Variants in LPIN2 observed in about 807,000 individuals in gnomAD.
LPIN2 encodes the protein lipin 2.
A neutral mutation model predicts 111.4 loss-of-function variants in LPIN2; 55 were observed. The ratio of observed to expected loss-of-function variants is 0.49; its 90% CI spans 0.40 to 0.62. The LOEUF (loss-of-function observed/expected upper bound fraction) is 0.62, where lower values mean the gene tolerates loss of function less well. LPIN2 is among the 20% of genes least tolerant of loss of function. The pLI is 0.00. For synonymous variants in LPIN2, 425 were observed against 414.0 expected (o/e 1.03, Z -0.32); for missense variants, 992 against 1,112.1 (o/e 0.89, Z 1.54).
chr18:2,950,548 A>G (rs1309146640), intron 4 of LPIN2: 1 of 162,130 alleles, frequency 6.2e-6, no homozygotes, highest in Non-Finnish European at 1.4e-5. Context: ...TTCAACCCCA[A>G]GCGGTGCTGA....
At chr18:2,964,083 ACCAGCCTGG>A (rs1425661718) in intron 1 of LPIN2, among the ~76,000 whole-genome samples, 2 of 151,672 alleles carry the variant, frequency 1.3e-5, no homozygotes, top group East Asian at 3.9e-4. Flanking sequence ...GGAGTTCAAG[ACCAGCCTGG>A]CCAACACGGT....
At chr18:2,937,585 C>T (rs1475045443) in intron 7 of LPIN2, 107 bp downstream of exon 7, 3 of 741,310 alleles carry the variant, frequency 4.0e-6, no homozygotes, top group South Asian at 1.5e-5. Context: ...CGACGGGTTT[C>T]GACTGGTGAA....
chr18:2,967,238 C>A (rs995711217), intron 1 of LPIN2, among the ~76,000 whole-genome samples: 4 of 152,172 alleles, frequency 2.6e-5, no homozygotes, highest in Non-Finnish European at 5.9e-5. Context: ...TTCTCCACTA[C>A]CTCTGACCCA....
intron 1 of LPIN2, among the ~76,000 whole-genome samples, chr18:3,000,190 A>C (rs1598611954): frequency 3.5e-5 from 2 of 56,580 alleles, no homozygotes; most frequent in East Asian, 1.6e-3. Context: ...AACAAGGATA[A>C]AGGAATGGGC....
chr18:2,937,710 A>G lies in LPIN2; in HGVS notation c.1150T>C (p.Ser384Pro). The change falls in exon 7 of 20, where the codon TCG (serine) becomes CCG (proline). Residue 384 changes from serine to proline, a missense_variant. Ser to Pro is a moderately conservative substitution (Grantham distance 74). Around this residue, in one of 4 missense-constraint regions of LPIN2, gnomAD observed 709 missense variants for 753.2 expected, o/e 0.94. Coordinates refer to ENST00000677752, the MANE Select transcript of LPIN2 (RefSeq NM_001375808.2). ...SESKPAAKVD[S>P]PSKKKGVHKR... ...CGATTACCTTTCTTCTTTGACGGCG[A>G]GTCTACTTTAGCTGCCGGTTTGGAT... 6.2e-7 allele frequency: 1 copy of G among 1,614,090 alleles called. No homozygotes were observed. Among genetic ancestry groups the G allele is most frequent in the Non-Finnish European group, 8.5e-7 (1 of 1,180,012 alleles).
chr18:2,926,933 C>T, intron 12 of LPIN2, 128 bp from the exon 13 acceptor site: 4 of 750,648 alleles, frequency 5.3e-6, no homozygotes, highest in Non-Finnish European at 9.3e-6. Context: ...TGCTCAAAAA[C>T]CAGACTTTCT....
intron 1 of LPIN2, among the ~76,000 whole-genome samples, chr18:3,007,868 T>C (rs909139855): frequency 6.6e-6 from 1 of 152,208 alleles, no homozygotes; most frequent in Non-Finnish European, 1.5e-5. Flanking sequence ...CAAATACTTT[T>C]TAAGAGCTGT....
chr18:2,922,450 A>AT (rs1267475366), intron 16 of LPIN2, among the ~76,000 whole-genome samples: 3 of 151,834 alleles, frequency 2.0e-5, no homozygotes, highest in Admixed American at 2.0e-4. Context: ...TAATTTTTAT[A>AT]TTTTTTAGTA....
chr18:2,940,007 T>C (rs1465988522), intron 5 of LPIN2, among the ~76,000 whole-genome samples: 1 of 152,178 alleles, frequency 6.6e-6, no homozygotes, highest in Non-Finnish European at 1.5e-5. Context: ...AGCCAACAGT[T>C]GACACTAAAA....
At chr18:3,006,330 A>C (rs1324293700) in intron 1 of LPIN2, among the ~76,000 whole-genome samples, 2 of 152,226 alleles carry the variant, frequency 1.3e-5, no homozygotes, top group Non-Finnish European at 2.9e-5. Flanking sequence ...CTATATTTCA[A>C]ATAATGCTAC....
chr18:2,986,412 C>A (rs2078185736), intron 1 of LPIN2, among the ~76,000 whole-genome samples: 1 of 151,848 alleles, frequency 6.6e-6, no homozygotes, highest in Non-Finnish European at 1.5e-5. Flanking sequence ...AGAGAAAAAA[C>A]AAGGGAGGGT....
At chr18:2,933,795 C>T (rs1360178492) in intron 8 of LPIN2, among the ~76,000 whole-genome samples, 1 of 151,956 alleles carries the variant, frequency 6.6e-6, no homozygotes, top group East Asian at 1.9e-4. Context: ...TATTTGAGGC[C>T]CATATTTGAA....
chr18:2,943,833 G>T (rs1335508550), intron 4 of LPIN2, among the ~76,000 whole-genome samples: 1 of 152,164 alleles, frequency 6.6e-6, no homozygotes, highest in Non-Finnish European at 1.5e-5. Flanking sequence ...GTTTTTATTT[G>T]TAACAGAGCT....
rs1385211183 is a variant in LPIN2 at position 2,923,992 on chromosome 18, C to T, written c.2088-131G>A. ...CTCTTGAAAGGGGATTTAATCACAG[C>T]TTCAAGCAACTGCAAGGCCATCCCA... On this transcript the variant is annotated intron_variant, in intron 15 of 19. Coordinates refer to ENST00000677752, the MANE Select transcript of LPIN2 (RefSeq NM_001375808.2). 3 of 768,596 alleles carry T rather than the reference C, an allele frequency of 3.9e-6. No homozygotes were observed. In the African/African-American group the frequency reaches 5.1e-5, roughly 13 times the overall value. 47.6% of individuals were successfully genotyped at this position (768,596 alleles called of 1,614,324 possible).
intron 1 of LPIN2, among the ~76,000 whole-genome samples, chr18:3,011,124 A>T (rs1326995023): frequency 2.0e-5 from 3 of 152,074 alleles, no homozygotes; most frequent in Non-Finnish European, 4.4e-5. Flanking sequence ...AGTCCTTAAA[A>T]CCAAAAGTGC....
intron 1 of LPIN2, among the ~76,000 whole-genome samples, chr18:2,968,532 G>A (rs574375095): frequency 6.6e-6 from 1 of 152,124 alleles, no homozygotes; most frequent in African/African-American, 2.4e-5. Context: ...TTATGATAAT[G>A]CTATTTGGGA....
At chr18:2,995,328 G>A (rs948019711) in intron 1 of LPIN2, among the ~76,000 whole-genome samples, 1 of 152,146 alleles carries the variant, frequency 6.6e-6, no homozygotes, top group African/African-American at 2.4e-5. Context: ...TCAATCATCA[G>A]CTCTTTGCAT....
At chr18:2,920,757 G>C (rs1249351543) in intron 19 of LPIN2, 21 bp downstream of exon 19, 1 of 1,590,446 alleles carries the variant, frequency 6.3e-7, no homozygotes, top group African/African-American at 1.3e-5. Context: ...GCGCCGGGCT[G>C]AGAGCTGAGA....
chr18:2,946,429 T>G (rs751805231), intron 4 of LPIN2: 2 of 1,450,394 alleles, frequency 1.4e-6, no homozygotes, highest in Non-Finnish European at 1.9e-6. Flanking sequence ...AACCCTTTAA[T>G]GCATCGTGAA....
Sources: gnomAD v4.1 joint callset for allele counts (sites outside exome capture counted in the v4.1 genomes callset) on GRCh38, gnomAD v4.1.1 for gene constraint, gnomAD v4.1.1 regional missense constraint, MANE v1.5 for transcripts, NCBI Gene and HGNC (gene_info 2026-07-23, HGNC 2026-07-21) for gene names.